TMPRSS7: variants seen among roughly 807,000 people sequenced by gnomAD.
TMPRSS7 encodes transmembrane serine protease 7.
A neutral mutation model predicts 95.6 loss-of-function variants in TMPRSS7; 81 were observed. That is an observed-to-expected ratio of 0.85 (90% CI 0.71 to 1.02). The LOEUF is 1.02. Ranked by LOEUF, TMPRSS7 falls within the 50% of genes least tolerant of loss-of-function variation. The probability of loss-of-function intolerance (pLI) is 0.00; values close to 1 mark genes in which losing one functional copy is unlikely to be tolerated. For missense variants in TMPRSS7, 945 were observed against 955.2 expected (o/e 0.99, Z 0.14); for synonymous variants, 364 against 337.8 (o/e 1.08, Z -0.85).
At chr3:112,063,883 G>T (rs1242029215) in intron 12 of TMPRSS7, among the ~76,000 whole-genome samples, 2 of 152,122 alleles carry the variant, frequency 1.3e-5, no homozygotes, top group Non-Finnish European at 2.9e-5. Flanking sequence ...CCTGAGCTTG[G>T]TTCTTCCAAT....
rs2073671925 is a variant in TMPRSS7, at chr3:112,073,193, G to A, written c.1667-1103G>A. ...TGCAACTTCCACCTCCCGGGTTCAAGCAATTCCCCTGCCTCAGCCTCCCGA... is the reference window on the plus strand; with the variant it reads ...TGCAACTTCCACCTCCCGGGTTCAAACAATTCCCCTGCCTCAGCCTCCCGA... On this transcript the variant is annotated intron_variant, in intron 13 of 17. Transcript: ENST00000452346. 2.0e-5 allele frequency among the ~76,000 whole-genome samples: 3 copies of A among 150,920 alleles called. No individual in the cohort carries two copies. In the South Asian group the frequency reaches 6.3e-4, roughly 32 times the overall value.
At chr3:112,080,559 CTA>C (rs2073766499) in intron 17 of TMPRSS7, among the ~76,000 whole-genome samples, 7 of 83,488 alleles carry the variant, frequency 8.4e-5, no homozygotes, top group East Asian at 5.1e-4. Flanking sequence ...ACCACTACTA[CTA>C]CTACTACTAT....
chr3:112,054,037 C>T (rs576428236), intron 9 of TMPRSS7, among the ~76,000 whole-genome samples: 106 of 152,340 alleles, frequency 7.0e-4, no homozygotes, highest in Non-Finnish European at 1.2e-3. Context: ...ATGTAAGTCA[C>T]CTCCTTATAT....
chr3:112,052,769 A>G (rs920001240), intron 9 of TMPRSS7, among the ~76,000 whole-genome samples: 16 of 152,222 alleles, frequency 1.1e-4, no homozygotes, highest in African/African-American at 3.6e-4. Context: ...CGAATGTTTG[A>G]AATTCCTTTG....
At position 112,041,905 on chromosome 3, in the gene TMPRSS7, T is replaced by A; in HGVS notation, c.299-15T>A. On this transcript the variant is annotated splice_polypyrimidine_tract_variant and intron_variant, in intron 2 of 17. Coordinates refer to ENST00000452346, the Ensembl canonical transcript of TMPRSS7. ...ATGGGAAAGCCTCCGAATCTTGTTC[T>A]TTCCTATTTTACAGGTAAAACAGAA... 1 of 1,508,820 alleles carries A rather than the reference T, an allele frequency of 6.6e-7. No homozygotes were observed. The highest frequency in any genetic ancestry group is 9.0e-7 in the Non-Finnish European group (1 of 1,108,228). The allele number at this position is 1,508,820 out of a possible 1,614,324, so 93.5% of individuals were successfully genotyped here. A position where few individuals can be genotyped will look rare whatever the true frequency, so the allele number is the denominator to read the frequency against.
At chr3:112,054,496 G>C (rs1256325223) in intron 9 of TMPRSS7, among the ~76,000 whole-genome samples, 1 of 152,128 alleles carries the variant, frequency 6.6e-6, no homozygotes, top group African/African-American at 2.4e-5. Flanking sequence ...ATGTAGAATT[G>C]TGTGCAATTC....
At chr3:112,055,612 A>C (rs999319363) in intron 9 of TMPRSS7, among the ~76,000 whole-genome samples, 7 of 152,214 alleles carry the variant, frequency 4.6e-5, no homozygotes, top group African/African-American at 1.7e-4. Flanking sequence ...ACTTTATGTT[A>C]TTTTCAAATG....
intron 13 of TMPRSS7, among the ~76,000 whole-genome samples, chr3:112,067,970 C>T (rs1006536345): frequency 6.6e-6 from 1 of 152,224 alleles, no homozygotes; most frequent in African/African-American, 2.4e-5. Flanking sequence ...TTAGGTCTAA[C>T]ATTTAAATCT....
In TMPRSS7 at chr3:112,074,468, TG is replaced by T. The variant is rs918049263; in HGVS notation, c.1783+57del. On this transcript the variant is annotated intron_variant, in intron 14 of 17. Transcript: ENST00000452346. ...GTATTCCCTCTTCAGTTTACCTGTT[TG>T]TTATATTTTCATTCCCTTCTTGGTG... 3.2e-5 allele frequency: 44 copies of T among 1,380,642 alleles called. No homozygotes were observed. In the Middle Eastern group the frequency reaches 1.1e-3, roughly 34 times the overall value. The allele number at this position is 1,380,642 out of a possible 1,614,324, so 85.5% of individuals were successfully genotyped here. A position where few individuals can be genotyped will look rare whatever the true frequency, so the allele number is the denominator to read the frequency against.
exon 9 of TMPRSS7, chr3:112,050,690 G>A: frequency 6.2e-7 from 1 of 1,602,736 alleles, no homozygotes; most frequent in Non-Finnish European, 8.5e-7. Context: ...ACACAGTGTT[G>A]GTCAAAGACA....
At chr3:112,076,674 G>A (rs942907612) in intron 15 of TMPRSS7, among the ~76,000 whole-genome samples, 7 of 152,116 alleles carry the variant, frequency 4.6e-5, no homozygotes, top group Non-Finnish European at 8.8e-5. Flanking sequence ...TACAGCTTAC[G>A]TCATTTCTGA....
intron 4 of TMPRSS7, among the ~76,000 whole-genome samples, chr3:112,045,305 G>T (rs1300443434): frequency 1.3e-5 from 2 of 152,136 alleles, no homozygotes; most frequent in African/African-American, 4.8e-5. Context: ...CTGCCAGTAT[G>T]CCTGGCTAAT....
At position 112,076,896 on chromosome 3, in the gene TMPRSS7, G is replaced by A. The variant is rs2073716313; in HGVS notation, c.1976G>A (p.Trp659Ter). 1 of 1,613,988 alleles carries A rather than the reference G, an allele frequency of 6.2e-7. No homozygotes were observed. The highest frequency in any genetic ancestry group is 1.7e-5 in the Admixed American group (1 of 59,996). ...ATCAGGCTGTCAGATCCCACACCAT[G>A]GACTGCACACCTCGGGATGTATGTT... Residue 659 changes from tryptophan to a stop codon, truncating the protein, a stop_gained, in exon 16 of 18, where the codon TGG becomes TAG. Transcript: ENST00000452346. LOFTEE classifies it high-confidence loss of function.
intron 2 of TMPRSS7, 42 bp downstream of exon 2, chr3:112,038,363 G>A (rs1194596883): frequency 4.4e-6 from 3 of 688,728 alleles, no homozygotes; most frequent in African/African-American, 1.8e-5. Flanking sequence ...AGGGCTTATG[G>A]TATGAGTCCA....
intron 9 of TMPRSS7, 42 bp downstream of exon 9, chr3:112,050,825 C>G (rs927901131): frequency 9.9e-7 from 1 of 1,005,096 alleles, no homozygotes; most frequent in South Asian, 1.6e-5. Flanking sequence ...TATTACTGCT[C>G]TATTTTTAAT....
chr3:112,067,082 T>C (rs1198695252), intron 13 of TMPRSS7, among the ~76,000 whole-genome samples: 1 of 152,192 alleles, frequency 6.6e-6, no homozygotes, highest in South Asian at 2.1e-4. Context: ...ATGCAGTGTT[T>C]GGTTTTCCGT....
intron 2 of TMPRSS7, among the ~76,000 whole-genome samples, chr3:112,038,596 G>A (rs542840469): frequency 6.6e-6 from 1 of 151,918 alleles, no homozygotes; most frequent in Non-Finnish European, 1.5e-5. Context: ...TCAGCCTCCC[G>A]AGTAGCTGAG....
At chr3:112,044,079 C>G (rs2073245778) in intron 3 of TMPRSS7, among the ~76,000 whole-genome samples, 176 bp from the exon 4 acceptor site, 1 of 152,134 alleles carries the variant, frequency 6.6e-6, no homozygotes, top group African/African-American at 2.4e-5. Context: ...AAGATTGTTG[C>G]AGGAAGAATT....
intron 2 of TMPRSS7, among the ~76,000 whole-genome samples, chr3:112,040,033 G>A (rs1342286964): frequency 6.6e-6 from 1 of 152,128 alleles, no homozygotes; most frequent in East Asian, 1.9e-4. Flanking sequence ...TTGGTGTGCG[G>A]AACCCCTGCC....
Sources: allele counts gnomAD v4.1 joint callset (sites outside exome capture counted in the v4.1 genomes callset), GRCh38; gene constraint gnomAD v4.1.1; transcripts MANE v1.5; gene names NCBI Gene and HGNC (gene_info 2026-07-23, HGNC 2026-07-21).